Variants in DENND4C observed in about 807,000 individuals in gnomAD.
DENND4C encodes the protein DENN domain containing 4C, also known as DENN domain-containing protein 4C.
A neutral mutation model predicts 203.0 loss-of-function variants in DENND4C; 108 were observed. That is an observed-to-expected ratio of 0.53 (90% CI 0.46 to 0.62). The LOEUF (loss-of-function observed/expected upper bound fraction) is 0.62. Among genes scored for constraint, DENND4C ranks in the 20% least tolerant of loss-of-function variants. DENND4C has a pLI of 0.00. For synonymous variants in DENND4C, 871 were observed against 792.4 expected (o/e 1.10, Z -1.67); for missense variants, 2,481 against 2,301.2 (o/e 1.08, Z -1.60).
At chr9:19,280,800 G>A (rs1346468433) in intron 2 of DENND4C, among the ~76,000 whole-genome samples, 1 of 151,946 alleles carries the variant, frequency 6.6e-6, no homozygotes, top group Non-Finnish European at 1.5e-5. Flanking sequence ...CAGTGCAATG[G>A]TGTGATCACA....
At chr9:19,337,718 G>C (rs1015110962) in intron 20 of DENND4C, 2 of 1,144,046 alleles carry the variant, frequency 1.7e-6, no homozygotes, top group Admixed American at 2.4e-5. Context: ...CTGCAAGGGT[G>C]GGGGAAAGAC....
chr9:19,363,460 C>T (rs1265175245), intron 30 of DENND4C, among the ~76,000 whole-genome samples: 27 of 151,632 alleles, frequency 1.8e-4, no homozygotes, highest in Admixed American at 1.8e-3. Context: ...TGCAGTGAGC[C>T]AAGATCACTC....
chr9:19,242,605 T>C (rs1490770544), intron 1 of DENND4C, among the ~76,000 whole-genome samples: 3 of 152,196 alleles, frequency 2.0e-5, no homozygotes, highest in Non-Finnish European at 4.4e-5. Flanking sequence ...GTTTTTTTGA[T>C]TGTAGCTATT....
At chr9:19,269,017 C>G (rs1271551790) in intron 1 of DENND4C, among the ~76,000 whole-genome samples, 1 of 152,132 alleles carries the variant, frequency 6.6e-6, no homozygotes, top group Non-Finnish European at 1.5e-5. Context: ...TTTGAATAAA[C>G]TTGGTACATA....
chr9:19,256,049 G>A (rs1244106145), intron 1 of DENND4C, among the ~76,000 whole-genome samples: 1 of 150,078 alleles, frequency 6.7e-6, no homozygotes, highest in Non-Finnish European at 1.5e-5. Flanking sequence ...ACCAGGCTGG[G>A]CAACATAGCA....
intron 1 of DENND4C, among the ~76,000 whole-genome samples, chr9:19,255,377 C>G (rs1401714613): frequency 6.9e-6 from 1 of 144,444 alleles, no homozygotes; most frequent in African/African-American, 2.5e-5. Flanking sequence ...TGCATTCCAG[C>G]CTGGGCAACA....
chr9:19,247,841 A>C (rs1215342827), intron 1 of DENND4C, among the ~76,000 whole-genome samples: 1 of 152,132 alleles, frequency 6.6e-6, no homozygotes, highest in Non-Finnish European at 1.5e-5. Context: ...TTACCCACTT[A>C]AGCCACAAGC....
intron 1 of DENND4C, among the ~76,000 whole-genome samples, chr9:19,268,005 C>T (rs1196792137): frequency 6.6e-6 from 1 of 151,992 alleles, no homozygotes; most frequent in African/African-American, 2.4e-5. Context: ...TTCCTTCCTT[C>T]CTTCCCATCT....
At chr9:19,281,426 T>C (rs1834020110) in intron 2 of DENND4C, among the ~76,000 whole-genome samples, 1 of 152,224 alleles carries the variant, frequency 6.6e-6, no homozygotes, top group Admixed American at 6.5e-5. Flanking sequence ...TGAAGGGGTT[T>C]GGAAAACCTA....
At chr9:19,291,621 C>T (rs1836317228) in intron 5 of DENND4C, among the ~76,000 whole-genome samples, 1 of 150,798 alleles carries the variant, frequency 6.6e-6, no homozygotes, top group Admixed American at 6.6e-5. Flanking sequence ...ATGAGAATTG[C>T]TTGAACCCGG....
At position 19,351,973 on chromosome 9, in the gene DENND4C, G is replaced by A; in HGVS notation, c.4496-100G>A. The A allele has an allele frequency of 4.5e-6, 4 of 886,290 alleles. No individual in the cohort carries two copies. The South Asian group carries it at 6.3e-5, about 14-fold the overall frequency. 54.9% of individuals were successfully genotyped at this position (886,290 alleles called of 1,614,324 possible). A position where few individuals can be genotyped will look rare whatever the true frequency, so the allele number is the denominator to read the frequency against. On this transcript the variant is annotated intron_variant, in intron 24 of 32. Transcript: ENST00000434457. The stretch of plus-strand genomic sequence containing the variant: ...ATACTGAGCCACTTGAAAAACAGTT[G>A]CAGACTTTATTCTGTGTCCCCCCTA...
intron 1 of DENND4C, among the ~76,000 whole-genome samples, chr9:19,239,352 T>G (rs1823102029): frequency 6.6e-6 from 1 of 152,168 alleles, no homozygotes; most frequent in African/African-American, 2.4e-5. Context: ...GATCAGGGGT[T>G]ATTTAGGAGA....
chr9:19,353,117 G>T (rs1464843248), intron 26 of DENND4C, among the ~76,000 whole-genome samples: 6 of 152,110 alleles, frequency 3.9e-5, no homozygotes, highest in Admixed American at 3.9e-4. Context: ...GGAAAAAAAG[G>T]CTTCAACTCT....
At chr9:19,354,522 T>C (rs368145399) in intron 26 of DENND4C, among the ~76,000 whole-genome samples, 28 of 151,662 alleles carry the variant, frequency 1.8e-4, no homozygotes, top group African/African-American at 6.5e-4. Flanking sequence ...CAAATTTGAG[T>C]GTCTCTTCAT....
Position 19,360,493 on chromosome 9 carries a change from G to A in DENND4C, c.5406+4G>A. On this transcript the variant is annotated splice_donor_region_variant and intron_variant, in intron 29 of 32. Coordinates refer to ENST00000434457, the MANE Select transcript of DENND4C (RefSeq NM_001330640.2). Reference sequence around the variant, plus strand: ...ACATTGTAATGAAGGTGTACAGGTAGGGTGCCAACTTTTATACTTACATTA... The same window carrying A: ...ACATTGTAATGAAGGTGTACAGGTAAGGTGCCAACTTTTATACTTACATTA... 6.2e-7 allele frequency: 1 copy of A among 1,613,970 alleles called. No individual in the cohort carries two copies. The highest frequency in any genetic ancestry group is 8.5e-7 in the Non-Finnish European group (1 of 1,179,974).
chr9:19,276,241 A>C lies in DENND4C; in HGVS notation c.67A>C (p.Thr23Pro), dbSNP rs1832884345. 3.2e-6 allele frequency: 4 copies of C among 1,231,942 alleles called. No homozygotes were observed. The highest frequency in any genetic ancestry group is 1.6e-5 in the African/African-American group (1 of 64,458). 76.3% of individuals were successfully genotyped at this position (1,231,942 alleles called of 1,614,324 possible). ...FVVAGLTDTS[T>P]LLDQEINRLD... Reference sequence around the variant, plus strand: ...CGTAGCTGGTCTCACTGACACATCTACTCTTTTGGATCAAGAAATAAATCG... The same window carrying C: ...CGTAGCTGGTCTCACTGACACATCTCCTCTTTTGGATCAAGAAATAAATCG... The change falls in exon 2 of 33, where the codon ACT becomes CCT. Residue 23 changes from threonine to proline, a missense_variant. Physicochemically the swap from Thr to Pro is conservative, Grantham distance 38 (BLOSUM62 -1). Around this residue, in one of 3 missense-constraint regions of DENND4C, gnomAD observed 187 missense variants for 167.4 expected, o/e 1.12. Transcript: ENST00000434457.
chr9:19,344,219 A>G (rs1822298886), intron 22 of DENND4C, among the ~76,000 whole-genome samples: 2 of 152,368 alleles, frequency 1.3e-5, no homozygotes, highest in Admixed American at 1.3e-4. Context: ...ATGTGACTAC[A>G]GTAAAAAGCA....
intron 20 of DENND4C, among the ~76,000 whole-genome samples, chr9:19,337,215 G>T (rs959135854): frequency 6.6e-5 from 10 of 152,216 alleles, no homozygotes; most frequent in Admixed American, 4.6e-4. Flanking sequence ...AAGAGGGAAG[G>T]AAGGAAGTCA....
chr9:19,312,366 G>A (rs145901196), intron 10 of DENND4C, among the ~76,000 whole-genome samples: 297 of 152,252 alleles, frequency 2.0e-3, no homozygotes, highest in African/African-American at 6.7e-3. Context: ...GCCTCCCAAA[G>A]TGCTGGGATT....
Sources: allele counts gnomAD v4.1 joint callset (sites outside exome capture counted in the v4.1 genomes callset), GRCh38; gene constraint gnomAD v4.1.1; regional missense constraint gnomAD v4.1.1; transcripts MANE v1.5; gene names NCBI Gene and HGNC (gene_info 2026-07-23, HGNC 2026-07-21).